CALN1: variants seen among roughly 807,000 people sequenced by gnomAD.
The protein encoded by CALN1 is calcium-binding protein 8.
Under a neutral mutation model 30.6 loss-of-function variants are expected in CALN1, and 17 were observed. The ratio of observed to expected loss-of-function variants is 0.56; its 90% CI spans 0.38 to 0.83. The LOEUF is 0.83. CALN1 is among the 40% of genes least tolerant of loss of function. CALN1 has a pLI of 0.00. For missense variants in CALN1, 291 were observed against 354.9 expected (o/e 0.82, Z 1.45); for synonymous variants, 156 against 131.4 (o/e 1.19, Z -1.28).
chr7:72,247,042 C>A (rs1287113571), intron 3 of CALN1, among the ~76,000 whole-genome samples: 1 of 151,936 alleles, frequency 6.6e-6, no homozygotes, highest in Non-Finnish European at 1.5e-5. Flanking sequence ...GCAAGAGCCA[C>A]TGTGCCCGGC....
intron 6 of CALN1, among the ~76,000 whole-genome samples, chr7:71,805,456 A>G (rs747575900): frequency 3.9e-5 from 6 of 152,190 alleles, no homozygotes; most frequent in Non-Finnish European, 8.8e-5. Flanking sequence ...ACTTGGAAGA[A>G]ATAAAGGAAA....
At chr7:71,797,967 C>A (rs1049533891) in intron 6 of CALN1, among the ~76,000 whole-genome samples, 5 of 151,798 alleles carry the variant, frequency 3.3e-5, no homozygotes, top group Non-Finnish European at 7.4e-5. Context: ...AATCTTGATA[C>A]CTTGTGAAGA....
At chr7:72,158,054 G>A (rs1563107102) in intron 3 of CALN1, among the ~76,000 whole-genome samples, 1 of 152,066 alleles carries the variant, frequency 6.6e-6, no homozygotes, top group Non-Finnish European at 1.5e-5. Context: ...CCATTTGAAG[G>A]TTTTAAGAGA....
chr7:72,428,869 AAG>A (rs1807879788), intron 1 of CALN1, among the ~76,000 whole-genome samples: 1 of 152,280 alleles, frequency 6.6e-6, no homozygotes, highest in South Asian at 2.1e-4. Flanking sequence ...CCTATCAGAA[AAG>A]AGAGAATCAC....
chr7:72,373,421 G>T (rs555361361), intron 2 of CALN1, among the ~76,000 whole-genome samples: 38 of 152,234 alleles, frequency 2.5e-4, no homozygotes, highest in Non-Finnish European at 3.5e-4. Context: ...AGGATTTTTT[G>T]ACTTCAAAAT....
intron 3 of CALN1, among the ~76,000 whole-genome samples, chr7:72,223,964 T>C (rs1793489767): frequency 6.6e-6 from 1 of 151,988 alleles, no homozygotes; most frequent in Admixed American, 6.6e-5. Flanking sequence ...CACGCAGACA[T>C]GAAGATGGGA....
chr7:71,960,091 C>A (rs571293389), intron 5 of CALN1, among the ~76,000 whole-genome samples: 5 of 150,058 alleles, frequency 3.3e-5, no homozygotes, highest in Middle Eastern at 7.0e-3. Context: ...CAGGATGGCA[C>A]CACTGCACTC....
chr7:72,054,458 C>CACGTAT (rs1803077422), intron 4 of CALN1, among the ~76,000 whole-genome samples: 1 of 129,074 alleles, frequency 7.7e-6, no homozygotes, highest in African/African-American at 3.1e-5. Flanking sequence ...CATATATATA[C>CACGTAT]ATATATATAC....
intron 3 of CALN1, among the ~76,000 whole-genome samples, chr7:72,135,737 T>C (rs1465248674): frequency 1.3e-5 from 2 of 152,214 alleles, no homozygotes; most frequent in Non-Finnish European, 2.9e-5. Context: ...CCAGCTGGAC[T>C]GGCCCCTCAC....
intron 3 of CALN1, among the ~76,000 whole-genome samples, chr7:72,240,629 C>A (rs1423822171): frequency 2.0e-5 from 3 of 152,212 alleles, no homozygotes; most frequent in Non-Finnish European, 4.4e-5. Context: ...CTGCCATTCT[C>A]TGTTGCTAAA....
intron 4 of CALN1, chr7:72,104,326 G>A (rs1806923679): frequency 6.6e-6 from 1 of 152,200 alleles, no homozygotes; most frequent in African/African-American, 2.4e-5. Flanking sequence ...CAGGGACAGG[G>A]GGATTGGGAG....
chr7:72,096,107 A>G (rs1164471192), intron 4 of CALN1, among the ~76,000 whole-genome samples: 2 of 152,206 alleles, frequency 1.3e-5, no homozygotes, highest in African/African-American at 2.4e-5. Flanking sequence ...AGATAGATAG[A>G]TAGAAGGAAA....
At chr7:72,457,757 C>CTTT in the CALN1 span, among the ~76,000 whole-genome samples, 4 of 135,714 alleles carry the variant, frequency 2.9e-5, no homozygotes, top group Non-Finnish European at 3.1e-5. Context: ...CCTTCTTATT[C>CTTT]TTTTTTTTTT....
chr7:71,865,599 C>T (rs1034219082), intron 5 of CALN1, among the ~76,000 whole-genome samples: 1 of 152,328 alleles, frequency 6.6e-6, no homozygotes, highest in Middle Eastern at 3.4e-3. Flanking sequence ...TTAATCTTCT[C>T]CTTCACTCAT....
At chr7:71,977,602 T>C (rs1394454632) in intron 5 of CALN1, among the ~76,000 whole-genome samples, 1 of 151,954 alleles carries the variant, frequency 6.6e-6, no homozygotes, top group Non-Finnish European at 1.5e-5. Flanking sequence ...TGCTGGGAGT[T>C]TACCTGAGAC....
intron 5 of CALN1, among the ~76,000 whole-genome samples, chr7:71,826,223 G>A (rs893397114): frequency 1.3e-5 from 2 of 152,002 alleles, no homozygotes; most frequent in Admixed American, 6.6e-5. Flanking sequence ...AAGGGAGCAA[G>A]GGGATGGGGC....
At chr7:71,975,593 AT>A (rs1159456298) in intron 5 of CALN1, among the ~76,000 whole-genome samples, 2 of 151,562 alleles carry the variant, frequency 1.3e-5, no homozygotes, top group Admixed American at 6.6e-5. Flanking sequence ...CAACCAGCTA[AT>A]TTTTTATTTT....
chr7:72,410,037 T>A (rs1807006564), intron 1 of CALN1, among the ~76,000 whole-genome samples: 1 of 151,858 alleles, frequency 6.6e-6, no homozygotes. Context: ...TGAACATAAT[T>A]CTTTCTTGAA....
chr7:71,919,398 T>G (rs1289421885), intron 5 of CALN1, among the ~76,000 whole-genome samples: 1 of 152,372 alleles, frequency 6.6e-6, no homozygotes, highest in Non-Finnish European at 1.5e-5. Context: ...CATTCATTCA[T>G]TGATTCGTGC....
Sources: allele counts gnomAD v4.1 joint callset (sites outside exome capture counted in the v4.1 genomes callset), GRCh38; gene constraint gnomAD v4.1.1; transcripts MANE v1.5; gene names NCBI Gene and HGNC (gene_info 2026-07-23, HGNC 2026-07-21).